The following KCNIP1 variants were observed in gnomAD, a reference collection of about 807,000 sequenced individuals.
KCNIP1 encodes potassium voltage-gated channel interacting protein 1, also known as A-type potassium channel modulatory protein KCNIP1.
KCNIP1 carries 18 observed loss-of-function variants against 33.0 expected under a neutral mutation model. That is an observed-to-expected ratio of 0.55 (90% CI 0.38 to 0.81). The LOEUF (loss-of-function observed/expected upper bound fraction) is 0.81. Among genes scored for constraint, KCNIP1 ranks in the 30% least tolerant of loss-of-function variants. The probability of loss-of-function intolerance (pLI) is 0.00; values close to 1 mark genes in which losing one functional copy is unlikely to be tolerated. For synonymous variants in KCNIP1, 93 were observed against 98.3 expected (o/e 0.95, Z 0.32); for missense variants, 238 against 271.6 (o/e 0.88, Z 0.87).
At chr5:170,670,902 C>CAA (rs71310043) in intron 1 of KCNIP1, among the ~76,000 whole-genome samples, 76 of 93,860 alleles carry the variant, frequency 8.1e-4, no homozygotes, top group African/African-American at 3.0e-3. Context: ...TCTCAAAAAA[C>CAA]AAAAAAAAAA....
rs149570323 is a variant in KCNIP1 at position 170,383,764 on chromosome 5, T to C, written c.88+29800T>C. On this transcript the variant is annotated intron_variant, in intron 1 of 7. Coordinates refer to the KCNIP1 transcript ENST00000377360. ...TGACACGTTGACCCACAGGCATGGG[T>C]ACTGGGGCACCTTCTTGCCCTTCAG... 1.1e-4 allele frequency: 179 copies of C among 1,614,076 alleles called. No homozygotes were observed. In the African/African-American group the frequency reaches 2.3e-3, roughly 21 times the overall value.
chr5:170,504,346 G>C lies in KCNIP1; in HGVS notation c.-227G>C. 1 of 1,393,242 alleles carries C rather than the reference G, an allele frequency of 7.2e-7. No homozygotes were observed. Among genetic ancestry groups the C allele is most frequent in the South Asian group, 1.6e-5 (1 of 61,208 alleles). 86.3% of individuals were successfully genotyped at this position (1,393,242 alleles called of 1,614,324 possible). ...CCTCGCGCGGGGAAGCGGTTCCGAA[G>C]GCTCGCGGGGAGCGGCTAGCCCTGA... On this transcript the variant is annotated 5_prime_UTR_variant, in exon 1 of 8. Transcript: ENST00000328939. This position sits in a 1 kb window ranked among gnomAD's most constrained non-coding sequence, Gnocchi z 6.0.
chr5:170,434,151 G>C (rs1318982843), intron 1 of KCNIP1, among the ~76,000 whole-genome samples: 1 of 152,120 alleles, frequency 6.6e-6, no homozygotes, highest in Non-Finnish European at 1.5e-5. Flanking sequence ...GAACTTCTTT[G>C]AGCCTCAATT....
intron 5 of KCNIP1, among the ~76,000 whole-genome samples, chr5:170,725,876 C>T (rs1051236439): frequency 1.3e-4 from 19 of 151,818 alleles, no homozygotes; most frequent in African/African-American, 4.6e-4. Flanking sequence ...GCAACAGATG[C>T]CAAAAAGATC....
At chr5:170,507,668 T>C (rs1308037658) in intron 1 of KCNIP1, among the ~76,000 whole-genome samples, 1 of 152,164 alleles carries the variant, frequency 6.6e-6, no homozygotes, top group Non-Finnish European at 1.5e-5. Context: ...GCCTTGATAA[T>C]ACAATTTAGA....
chr5:170,608,920 C>T (rs921708940), intron 1 of KCNIP1, among the ~76,000 whole-genome samples: 15 of 152,110 alleles, frequency 9.9e-5, no homozygotes, highest in Non-Finnish European at 1.8e-4. Context: ...CAGTCCCGGG[C>T]GGAGGCAGGG....
At chr5:170,564,787 G>C (rs748901830) in intron 1 of KCNIP1, among the ~76,000 whole-genome samples, 2 of 152,136 alleles carry the variant, frequency 1.3e-5, no homozygotes, top group Non-Finnish European at 2.9e-5. Context: ...AGAACAAACA[G>C]ACAAATTATA....
chr5:170,539,007 C>T (rs1461692052), intron 1 of KCNIP1, among the ~76,000 whole-genome samples: 1 of 151,926 alleles, frequency 6.6e-6, no homozygotes, highest in Non-Finnish European at 1.5e-5. Flanking sequence ...GTCATTCATT[C>T]TCTTGGCTTT....
intron 1 of KCNIP1, among the ~76,000 whole-genome samples, chr5:170,372,605 T>A: frequency 6.6e-6 from 1 of 151,624 alleles, no homozygotes; most frequent in East Asian, 1.9e-4. Context: ...CTATCGCCCC[T>A]AAAGGACCTC....
chr5:170,422,657 C>T (rs892729891), intron 1 of KCNIP1: 21 of 152,170 alleles, frequency 1.4e-4, no homozygotes, highest in African/African-American at 4.1e-4. Flanking sequence ...GGGTCTTTGA[C>T]ATAATACAGA....
At chr5:170,455,348 T>C (rs1440056869) in intron 1 of KCNIP1, among the ~76,000 whole-genome samples, 1 of 152,012 alleles carries the variant, frequency 6.6e-6, no homozygotes, top group Non-Finnish European at 1.5e-5. Flanking sequence ...CTTCTCCTTC[T>C]TCTTCTTCTT....
intron 1 of KCNIP1, among the ~76,000 whole-genome samples, chr5:170,438,385 A>G (rs143983824): frequency 2.2e-4 from 34 of 152,290 alleles, no homozygotes; most frequent in Non-Finnish European, 4.3e-4. Context: ...TGGAGAGGTG[A>G]GGAGGGTCTC....
intron 1 of KCNIP1, among the ~76,000 whole-genome samples, chr5:170,430,959 G>A (rs1755726516): frequency 1.3e-5 from 2 of 152,154 alleles, no homozygotes; most frequent in South Asian, 4.1e-4. Context: ...GAACATTCAG[G>A]CAGGATCTGG....
At chr5:170,541,739 C>A (rs1028078099) in intron 1 of KCNIP1, among the ~76,000 whole-genome samples, 3 of 151,290 alleles carry the variant, frequency 2.0e-5, no homozygotes, top group African/African-American at 7.3e-5. Flanking sequence ...TGCAGTCAGA[C>A]AGCCTGAACC....
At chr5:170,441,801 A>T (rs1287702266) in intron 1 of KCNIP1, among the ~76,000 whole-genome samples, 1 of 151,898 alleles carries the variant, frequency 6.6e-6, no homozygotes, top group Non-Finnish European at 1.5e-5. Flanking sequence ...AATACAAAAA[A>T]ACTAGCTGGG....
intron 1 of KCNIP1, among the ~76,000 whole-genome samples, chr5:170,656,366 G>A (rs1581455568): frequency 1.3e-5 from 2 of 152,308 alleles, no homozygotes; most frequent in East Asian, 1.9e-4. Flanking sequence ...ATAGAATTGC[G>A]GGAGGGGTTA....
chr5:170,733,016 C>A, intron 6 of KCNIP1, 112 bp downstream of exon 6: 3 of 628,780 alleles, frequency 4.8e-6, no homozygotes, highest in Non-Finnish European at 5.8e-6. Context: ...TGGTTGGTAA[C>A]AGAAAAGAAT....
At chr5:170,735,081 A>G (rs1481026250) in intron 7 of KCNIP1, among the ~76,000 whole-genome samples, 2 of 152,246 alleles carry the variant, frequency 1.3e-5, no homozygotes, top group Non-Finnish European at 2.9e-5. Flanking sequence ...ATAAGCCTAT[A>G]CTGACATTAA....
intron 1 of KCNIP1, among the ~76,000 whole-genome samples, chr5:170,651,896 G>A (rs988458606): frequency 3.9e-5 from 6 of 152,154 alleles, no homozygotes; most frequent in Non-Finnish European, 5.9e-5. Flanking sequence ...TTTTATTTCT[G>A]ACTGTAAGGG....
Sources: gnomAD v4.1 joint callset for allele counts (sites outside exome capture counted in the v4.1 genomes callset) on GRCh38, gnomAD v4.1.1 for gene constraint, Gnocchi (gnomAD v3.1) non-coding constraint, MANE v1.5 for transcripts, NCBI Gene and HGNC (gene_info 2026-07-23, HGNC 2026-07-21) for gene names.